The following HPD variants were observed in gnomAD, a reference collection of about 807,000 sequenced individuals.
The protein encoded by HPD is 4-hydroxyphenylpyruvic acid oxidase.
Under a neutral mutation model 56.9 loss-of-function variants are expected in HPD, and 35 were observed. The ratio of observed to expected loss-of-function variants is 0.62; its 90% CI spans 0.47 to 0.82. The LOEUF (loss-of-function observed/expected upper bound fraction) is 0.82, where lower values mean the gene tolerates loss of function less well. HPD is among the 40% of genes least tolerant of loss of function. The pLI is 0.00. For missense variants in HPD, 442 were observed against 506.8 expected (o/e 0.87, Z 1.23); for synonymous variants, 186 against 200.2 (o/e 0.93, Z 0.60).
the HPD span, among the ~76,000 whole-genome samples, chr12:121,870,710 C>T: frequency 6.6e-6 from 1 of 150,416 alleles, no homozygotes; most frequent in Non-Finnish European, 1.5e-5. Context: ...GATTCTCCTG[C>T]CTCAGCCTCC....
chr12:121,860,919 G>A (rs1878157150), upstream of HPD, among the ~76,000 whole-genome samples: 1 of 151,786 alleles, frequency 6.6e-6, no homozygotes, highest in South Asian at 2.1e-4. Context: ...AATAGATAAG[G>A]CAGGGCCCAG....
chr12:121,875,860 T>C, the HPD span, among the ~76,000 whole-genome samples: 4 of 152,042 alleles, frequency 2.6e-5, no homozygotes, highest in Admixed American at 6.6e-5. Flanking sequence ...TTGGCTCACA[T>C]CTATATTCCC....
In HPD at chr12:121,854,703, C is replaced by T. The variant is rs140788110; in HGVS notation, c.414G>A (p.Thr138=). 3.1e-3 allele frequency: 5,053 copies of T among 1,610,788 alleles called. 227 individuals carry two copies. In the Admixed American group the frequency reaches 0.074, roughly 23 times the overall value. ...FGKVKFAVLQ[T]YGDTTHTLVE... ...GGTGGGGGCACCAAAGGGAACTCAC[C>T]GTCTGCAGCACAGCAAACTTCACCT... Residue 138 remains threonine (T), a splice_region_variant and synonymous_variant, in exon 7 of 14, where the codon ACG becomes ACA. Transcript: ENST00000289004.
intron 7 of HPD, among the ~76,000 whole-genome samples, chr12:121,851,132 G>A (rs941152018): frequency 1.3e-5 from 2 of 151,594 alleles, no homozygotes; most frequent in African/African-American, 4.9e-5. Flanking sequence ...AAAGTGCTGG[G>A]ATTACAAGCA....
chr12:121,859,086 A>T (rs1185973857), upstream of HPD: 3 of 554,718 alleles, frequency 5.4e-6, no homozygotes. Context: ...CCAGAAGCCA[A>T]GGGCAAGCTT....
intron 11 of HPD, among the ~76,000 whole-genome samples, chr12:121,845,108 TAC>T (rs1318341490): frequency 6.8e-6 from 1 of 148,012 alleles, no homozygotes; most frequent in African/African-American, 2.6e-5. Context: ...TATATATATA[TAC>T]ACACACATAT....
At chr12:121,877,515 T>C in the HPD span, among the ~76,000 whole-genome samples, 3 of 152,060 alleles carry the variant, frequency 2.0e-5, no homozygotes, top group South Asian at 6.2e-4. Context: ...GTGGATCACT[T>C]GAGGCCAGGA....
At chr12:121,863,757 G>A (rs1221473490), upstream of HPD, among the ~76,000 whole-genome samples, 2 of 151,426 alleles carry the variant, frequency 1.3e-5, no homozygotes, top group Non-Finnish European at 2.9e-5. Context: ...TTCAGCCTGG[G>A]CAGCAGAATG....
chr12:121,858,941 G>A (rs1878104635), upstream of HPD: 2 of 1,216,052 alleles, frequency 1.6e-6, no homozygotes, highest in Non-Finnish European at 2.4e-6. Flanking sequence ...GATGGGGTGG[G>A]GAGCTGAGCC....
the HPD span, among the ~76,000 whole-genome samples, chr12:121,879,922 G>A: frequency 6.6e-6 from 1 of 152,066 alleles, no homozygotes; most frequent in Admixed American, 6.6e-5. Flanking sequence ...GGCAGAGGTG[G>A]GTGGATCACT....
the HPD span, among the ~76,000 whole-genome samples, chr12:121,879,605 G>T: frequency 1.3e-5 from 2 of 151,608 alleles, no homozygotes; most frequent in Non-Finnish European, 2.9e-5. Flanking sequence ...TAAACTCCTG[G>T]GCTCAAGGGA....
chr12:121,857,997 G>GCTC (rs1053052789), intron 2 of HPD, among the ~76,000 whole-genome samples, 178 bp from the exon 3 acceptor site: 6 of 152,038 alleles, frequency 3.9e-5, no homozygotes, highest in Non-Finnish European at 2.9e-5. Context: ...TGGAAGTTGA[G>GCTC]CTCCTGGGTG....
At position 121,857,442 on chromosome 12, in the gene HPD, A is replaced by C; in HGVS notation, c.94-10T>G. ...AGTAGAATGACGTGGCCTGAATCAC[A>C]GGGTTGCAGCAGGGTTCATGAGGGT... On this transcript the variant is annotated splice_polypyrimidine_tract_variant and intron_variant, in intron 3 of 13. Coordinates refer to ENST00000289004, the MANE Select transcript of HPD (RefSeq NM_002150.3). 1 of 1,589,728 alleles carries C rather than the reference A, an allele frequency of 6.3e-7. No homozygotes were observed. The highest frequency in any genetic ancestry group is 8.6e-7 in the Non-Finnish European group (1 of 1,157,844).
the HPD span, among the ~76,000 whole-genome samples, chr12:121,884,335 G>A: frequency 6.6e-6 from 1 of 151,922 alleles, no homozygotes; most frequent in East Asian, 1.9e-4. Flanking sequence ...GCTGATTTTT[G>A]TATTTTTACT....
upstream of HPD, chr12:121,859,016 T>C: frequency 1.5e-6 from 1 of 652,188 alleles, no homozygotes; most frequent in Non-Finnish European, 2.7e-6. Flanking sequence ...AACAGGATGG[T>C]GTTGCCAGGC....
the HPD span, among the ~76,000 whole-genome samples, chr12:121,887,356 C>G: frequency 3.3e-5 from 5 of 151,526 alleles, no homozygotes; most frequent in African/African-American, 1.2e-4. Context: ...CTGTATTTCT[C>G]TCTCTCTCTC....
chr12:121,847,339 AC>A, intron 9 of HPD, 125 bp from the exon 10 acceptor site: 1 of 814,412 alleles, frequency 1.2e-6, no homozygotes, highest in Non-Finnish European at 2.1e-6. Flanking sequence ...CTGCCATCAT[AC>A]CCATCAGAGA....
At chr12:121,859,260 C>T (rs924338053), upstream of HPD, 1 of 297,372 alleles carries the variant, frequency 3.4e-6, no homozygotes, top group Non-Finnish European at 6.6e-6. Flanking sequence ...GCGTTGTATT[C>T]CATAGCTCTG....
chr12:121,851,151 C>T (rs1292828684), intron 7 of HPD, among the ~76,000 whole-genome samples: 10 of 151,216 alleles, frequency 6.6e-5, no homozygotes, highest in African/African-American at 2.2e-4. Context: ...CATGAGCCAC[C>T]GTGCCCAGCC....
Sources: allele counts gnomAD v4.1 joint callset (sites outside exome capture counted in the v4.1 genomes callset), GRCh38; gene constraint gnomAD v4.1.1; transcripts MANE v1.5; gene names NCBI Gene and HGNC (gene_info 2026-07-23, HGNC 2026-07-21).